Variants in TMEM114 observed in about 807,000 individuals in gnomAD.
TMEM114 encodes claudin-26.
TMEM114 carries 6 observed loss-of-function variants against 6.2 expected under a neutral mutation model. The observed-to-expected ratio is 0.97, with a 90% CI of 0.53 to 1.91. TMEM114 has a LOEUF of 1.91. Among genes scored for constraint, TMEM114 ranks in the 40% most tolerant of loss-of-function variants. TMEM114 has a pLI of 0.01. For missense variants in TMEM114, 218 were observed against 158.3 expected (o/e 1.38, Z -2.02); for synonymous variants, 104 against 73.0 (o/e 1.42, Z -2.16).
chr16:8,529,092 T>C, the TMEM114 span, among the ~76,000 whole-genome samples: 11 of 152,246 alleles, frequency 7.2e-5, no homozygotes, highest in African/African-American at 2.6e-4. Context: ...GACAGCAAAA[T>C]CCTCAGCATC....
chr16:8,545,113 G>T (rs889100638), intron 2 of TMEM114, among the ~76,000 whole-genome samples: 10 of 151,944 alleles, frequency 6.6e-5, no homozygotes, highest in Admixed American at 1.3e-4. Flanking sequence ...CTTTCTAGTT[G>T]TTCTCTTCTT....
At chr16:8,564,650 T>C (rs1901459165), downstream of TMEM114, among the ~76,000 whole-genome samples, 1 of 125,858 alleles carries the variant, frequency 7.9e-6, no homozygotes, top group Non-Finnish European at 1.7e-5. Flanking sequence ...AGTGAGTAAA[T>C]GAGTGAGTGA....
chr16:8,564,218 T>TGAG (rs1901425992), intron 2 of TMEM114, among the ~76,000 whole-genome samples: 25 of 13,740 alleles, frequency 1.8e-3, no homozygotes, highest in African/African-American at 6.6e-3. Context: ...AATGAGTGAG[T>TGAG]TAGTGAATGA....
the TMEM114 span, among the ~76,000 whole-genome samples, chr16:8,531,271 G>A: frequency 0.57 from 86,510 of 152,066 alleles, 24,620 homozygotes; most frequent in South Asian, 0.67. Context: ...AGCATTCAGA[G>A]ATGAAGAATT....
chr16:8,537,680 T>C (rs901935714), exon 3 of TMEM114: 1 of 152,190 alleles, frequency 6.6e-6, no homozygotes, highest in Non-Finnish European at 1.5e-5. Flanking sequence ...TATCATATGG[T>C]GTGAAGCTAC....
At chr16:8,548,213 A>G (rs1437098305) in intron 2 of TMEM114, among the ~76,000 whole-genome samples, 1 of 151,984 alleles carries the variant, frequency 6.6e-6, no homozygotes, top group Non-Finnish European at 1.5e-5. Flanking sequence ...TAGCCTCTCC[A>G]CCCCTGGATT....
chr16:8,576,704 CAGGA>C (rs71396282), intron 2 of TMEM114, among the ~76,000 whole-genome samples: 28,232 of 128,754 alleles, frequency 0.22, 3,219 homozygotes, highest in East Asian at 0.28. Flanking sequence ...TGAATGAGAG[CAGGA>C]AGGAAGGAAG....
At chr16:8,560,837 C>A (rs1901174659) in intron 2 of TMEM114, among the ~76,000 whole-genome samples, 1 of 152,182 alleles carries the variant, frequency 6.6e-6, no homozygotes, top group Non-Finnish European at 1.5e-5. Context: ...TTAGTCTGTT[C>A]TCCACTGTTG....
the TMEM114 span, among the ~76,000 whole-genome samples, chr16:8,530,503 G>A: frequency 6.6e-6 from 1 of 152,092 alleles, no homozygotes; most frequent in Non-Finnish European, 1.5e-5. Context: ...CCAATGGAAA[G>A]AGAATGAGAG....
rs1263123899 is a variant in TMEM114 at position 8,590,510 on chromosome 16, G to C, written c.-672C>G. 3.3e-5 allele frequency among the ~76,000 whole-genome samples: 5 copies of C among 152,202 alleles called. No homozygotes were observed. Among genetic ancestry groups the C allele is most frequent in the Non-Finnish European group, 5.9e-5 (4 of 68,034 alleles). On this transcript the variant is annotated 5_prime_UTR_variant, in exon 1 of 4. Transcript: ENST00000620492. ...CCTCCTCGCCGAGGAAAAGCTCGGA[G>C]TGCGCACGCAGCATGGACGGGGGCG...
chr16:8,581,408 G>A (rs531911995), intron 2 of TMEM114, among the ~76,000 whole-genome samples: 1 of 152,168 alleles, frequency 6.6e-6, no homozygotes, highest in South Asian at 2.1e-4. Flanking sequence ...TTTCAAACTG[G>A]TATGGTGAAC....
the TMEM114 span, among the ~76,000 whole-genome samples, chr16:8,527,469 C>T: frequency 3.5e-4 from 54 of 152,158 alleles, no homozygotes; most frequent in Non-Finnish European, 5.4e-4. Flanking sequence ...TGGACACTTC[C>T]CCGTGGATTT....
the TMEM114 span, among the ~76,000 whole-genome samples, chr16:8,527,403 T>C: frequency 1.3e-5 from 2 of 152,168 alleles, no homozygotes; most frequent in Non-Finnish European, 2.9e-5. Context: ...CTGTGTGCTT[T>C]GAGGCTCACT....
chr16:8,578,981 AAAAATAAAAT>A (rs1002871668), intron 2 of TMEM114, among the ~76,000 whole-genome samples: 1 of 152,186 alleles, frequency 6.6e-6, no homozygotes, highest in African/African-American at 2.4e-5. Context: ...TCCATCTCAA[AAAAATAAAAT>A]AAAATAAAAT....
intron 2 of TMEM114, among the ~76,000 whole-genome samples, chr16:8,547,463 G>T (rs147322209): frequency 6.7e-6 from 1 of 149,810 alleles, no homozygotes; most frequent in Non-Finnish European, 1.5e-5. Flanking sequence ...TGCAATTTCA[G>T]CTCACTACAA....
At chr16:8,565,558 T>G (rs1013765203), downstream of TMEM114, among the ~76,000 whole-genome samples, 39 of 151,970 alleles carry the variant, frequency 2.6e-4, no homozygotes, top group African/African-American at 8.2e-4. Context: ...TGAGTATAAA[T>G]CCCCTCCTCT....
chr16:8,551,082 C>G (rs574411723), intron 2 of TMEM114, among the ~76,000 whole-genome samples: 55 of 152,364 alleles, frequency 3.6e-4, no homozygotes, highest in Non-Finnish European at 7.6e-4. Context: ...TTCTACTGAG[C>G]TATGGGTCTC....
intron 2 of TMEM114, among the ~76,000 whole-genome samples, chr16:8,583,804 G>A (rs763838338): frequency 6.6e-6 from 1 of 151,302 alleles, no homozygotes; most frequent in South Asian, 2.1e-4. Context: ...CCCCAGTGAT[G>A]TAGGCGCGTG....
At chr16:8,574,573 C>A (rs1901852146) in intron 2 of TMEM114, among the ~76,000 whole-genome samples, 1 of 124,642 alleles carries the variant, frequency 8.0e-6, no homozygotes, top group African/African-American at 2.9e-5. Flanking sequence ...TTCTTTCTTT[C>A]CTTCCTTCCT....
Sources: allele counts gnomAD v4.1 joint callset (sites outside exome capture counted in the v4.1 genomes callset), GRCh38; gene constraint gnomAD v4.1.1; transcripts MANE v1.5; gene names NCBI Gene and HGNC (gene_info 2026-07-23, HGNC 2026-07-21).